DCUN1D4: variants seen among roughly 807,000 people sequenced by gnomAD.
DCUN1D4 encodes the protein defective in cullin neddylation 1 domain containing 4, also known as DCN1-like protein 4.
A neutral mutation model predicts 47.9 loss-of-function variants in DCUN1D4; 22 were observed. The observed-to-expected ratio is 0.46, with a 90% confidence interval of 0.33 to 0.66. The LOEUF (loss-of-function observed/expected upper bound fraction) is 0.66, where lower values mean the gene tolerates loss of function less well. Among genes scored for constraint, DCUN1D4 ranks in the 30% least tolerant of loss-of-function variants. The pLI, the probability that DCUN1D4 is intolerant of heterozygous loss-of-function variation, is 0.02. For missense variants in DCUN1D4, 301 were observed against 340.8 expected, an observed-to-expected ratio of 0.88 and a Z score of 0.92; for synonymous variants, 121 against 112.2, an observed-to-expected ratio of 1.08 and a Z score of -0.50.
At chr4:51,855,272 G>A (rs148268399) in intron 1 of DCUN1D4, among the ~76,000 whole-genome samples, 93 of 152,208 alleles carry the variant, frequency 6.1e-4, no homozygotes, top group Non-Finnish European at 8.2e-4. Context: ...GGGAATGACT[G>A]CTAATAAAAA....
chr4:51,834,069 TC>T, the DCUN1D4 span, among the ~76,000 whole-genome samples: 17 of 142,080 alleles, frequency 1.2e-4, no homozygotes, highest in African/African-American at 3.4e-4. Flanking sequence ...TCTCTCTCTC[TC>T]TCTCTCTCTC....
intron 1 of DCUN1D4, among the ~76,000 whole-genome samples, chr4:51,855,667 T>C (rs950542403): frequency 3.3e-5 from 5 of 152,242 alleles, no homozygotes; most frequent in African/African-American, 1.2e-4. Flanking sequence ...TGGAATGGGA[T>C]GACTTAGGTC....
intron 8 of DCUN1D4, among the ~76,000 whole-genome samples, chr4:51,902,351 TGA>T (rs1460194201): frequency 1.3e-5 from 2 of 152,232 alleles, no homozygotes; most frequent in East Asian, 1.9e-4. Flanking sequence ...TGTCAATTAC[TGA>T]GAGAGGAATG....
At chr4:51,896,066 G>T (rs963315973) in intron 7 of DCUN1D4, among the ~76,000 whole-genome samples, 1 of 152,150 alleles carries the variant, frequency 6.6e-6, no homozygotes, top group African/African-American at 2.4e-5. Flanking sequence ...CAGGGGCTTT[G>T]TGTGTTCAAG....
intron 8 of DCUN1D4, among the ~76,000 whole-genome samples, chr4:51,900,120 A>T (rs1031520602): frequency 3.7e-4 from 56 of 151,820 alleles, no homozygotes; most frequent in African/African-American, 1.3e-3. Context: ...TTCTTGTTTG[A>T]TTGCACTTTT....
At chr4:51,889,064 G>A (rs1158236825) in intron 6 of DCUN1D4, among the ~76,000 whole-genome samples, 2 of 151,978 alleles carry the variant, frequency 1.3e-5, no homozygotes, top group African/African-American at 4.8e-5. Context: ...AGCCGAGATC[G>A]CACCACTGTA....
chr4:51,882,284 G>A (rs1008424948), intron 5 of DCUN1D4, among the ~76,000 whole-genome samples: 1 of 152,194 alleles, frequency 6.6e-6, no homozygotes, highest in Non-Finnish European at 1.5e-5. Flanking sequence ...CAGAAGCACC[G>A]TGCTCAGAGT....
intron 8 of DCUN1D4, chr4:51,909,363 G>A (rs957979766): frequency 5.2e-6 from 1 of 192,236 alleles, no homozygotes; most frequent in Non-Finnish European, 1.1e-5. Flanking sequence ...CTGTGGTGCC[G>A]CGTGTGTTTC....
chr4:51,905,445 T>C, intron 8 of DCUN1D4: 1 of 161,446 alleles, frequency 6.2e-6, no homozygotes, highest in South Asian at 1.7e-4. Flanking sequence ...TCTTCTACAG[T>C]TGGAATTTTG....
At chr4:51,894,248 C>T (rs1424315532) in intron 7 of DCUN1D4, among the ~76,000 whole-genome samples, 1 of 152,088 alleles carries the variant, frequency 6.6e-6, no homozygotes, top group Non-Finnish European at 1.5e-5. Context: ...GATAATTATT[C>T]AGAATAACTT....
chr4:51,897,047 T>C (rs1216358572), intron 7 of DCUN1D4, among the ~76,000 whole-genome samples: 1 of 152,206 alleles, frequency 6.6e-6, no homozygotes, highest in Non-Finnish European at 1.5e-5. Context: ...CCTTTGCCTA[T>C]GCTGTTCCTA....
chr4:51,867,003 C>T (rs1346217450), intron 3 of DCUN1D4, among the ~76,000 whole-genome samples: 3 of 152,250 alleles, frequency 2.0e-5, no homozygotes, highest in African/African-American at 7.2e-5. Flanking sequence ...GTGAGTTAGA[C>T]ATGGAGCAGC....
intron 5 of DCUN1D4, among the ~76,000 whole-genome samples, chr4:51,883,595 G>C (rs1378571013): frequency 1.3e-5 from 2 of 152,206 alleles, no homozygotes; most frequent in Non-Finnish European, 2.9e-5. Context: ...ACTGCTGTTA[G>C]ACAAGAGAAA....
intron 3 of DCUN1D4, among the ~76,000 whole-genome samples, chr4:51,869,480 C>CATG (rs958601765): frequency 7.2e-5 from 11 of 152,050 alleles, no homozygotes; most frequent in African/African-American, 2.4e-4. Flanking sequence ...TAAAATGAAA[C>CATG]ATGAGACAGT....
chr4:51,846,391 G>T (rs1722552673), intron 1 of DCUN1D4, among the ~76,000 whole-genome samples: 1 of 152,084 alleles, frequency 6.6e-6, no homozygotes, highest in African/African-American at 2.4e-5. Flanking sequence ...TCTCTTAGTG[G>T]ACTTCACTCT....
intron 8 of DCUN1D4, among the ~76,000 whole-genome samples, chr4:51,907,670 T>C (rs866403107): frequency 8.5e-5 from 13 of 152,332 alleles, no homozygotes; most frequent in Admixed American, 2.6e-4. Flanking sequence ...TTTTTCTTTG[T>C]AATTTTAATA....
intron 8 of DCUN1D4, 184 bp from the exon 9 acceptor site, chr4:51,910,886 G>T: frequency 1.7e-6 from 1 of 596,462 alleles, no homozygotes; most frequent in Non-Finnish European, 2.9e-6. Flanking sequence ...ATATCGTAAT[G>T]CCCAAGCCTT....
intron 9 of DCUN1D4, among the ~76,000 whole-genome samples, 181 bp downstream of exon 9, chr4:51,911,355 T>A (rs930527568): frequency 6.6e-6 from 1 of 152,204 alleles, no homozygotes; most frequent in African/African-American, 2.4e-5. Flanking sequence ...TGTGTATGCG[T>A]TTAATGTTGT....
chr4:51,836,546 G>T, the DCUN1D4 span, among the ~76,000 whole-genome samples: 1 of 152,148 alleles, frequency 6.6e-6, no homozygotes, highest in Admixed American at 6.5e-5. Flanking sequence ...CCCTGTGGTA[G>T]ATTCAACTGG....
Sources: gnomAD v4.1 joint callset for allele counts (sites outside exome capture counted in the v4.1 genomes callset) on GRCh38, gnomAD v4.1.1 for gene constraint, MANE v1.5 for transcripts, NCBI Gene and HGNC (gene_info 2026-07-23, HGNC 2026-07-21) for gene names.